The following C1orf21 variants were observed in gnomAD, a reference collection of about 807,000 sequenced individuals.
C1orf21 encodes uncharacterized protein C1orf21.
A neutral mutation model predicts 18.7 loss-of-function variants in C1orf21; 3 were observed. The ratio of observed to expected loss-of-function variants is 0.16; its 90% confidence interval spans 0.07 to 0.42. C1orf21 has a LOEUF of 0.42. Ranked by LOEUF, C1orf21 falls within the 10% of genes least tolerant of loss-of-function variation. The pLI is 0.99. For synonymous variants in C1orf21, 41 were observed against 46.4 expected (o/e 0.88, Z 0.47); for missense variants, 104 against 143.6 (o/e 0.72, Z 1.41).
intron 1 of C1orf21, among the ~76,000 whole-genome samples, chr1:184,442,802 TA>T (rs1219311873): frequency 6.6e-6 from 1 of 152,136 alleles, no homozygotes; most frequent in African/African-American, 2.4e-5. Context: ...TTTATATATA[TA>T]AAAAATTCTA....
chr1:184,449,306 T>C (rs979247833), intron 1 of C1orf21, among the ~76,000 whole-genome samples: 2 of 151,818 alleles, frequency 1.3e-5, no homozygotes, highest in Non-Finnish European at 2.9e-5. Context: ...GATGTTTGGC[T>C]TTTTGTCCTT....
At chr1:184,424,995 T>TA (rs1305744417) in intron 1 of C1orf21, among the ~76,000 whole-genome samples, 3 of 152,204 alleles carry the variant, frequency 2.0e-5, no homozygotes, top group Non-Finnish European at 4.4e-5. Context: ...ATGAACATCT[T>TA]AAAAAACTTA....
chr1:184,601,510 A>G (rs925538515), intron 5 of C1orf21, among the ~76,000 whole-genome samples: 1 of 152,232 alleles, frequency 6.6e-6, no homozygotes, highest in Non-Finnish European at 1.5e-5. Context: ...AGATTGTCAC[A>G]GTGCAGAGCT....
At chr1:184,594,708 C>T (rs997727449) in intron 4 of C1orf21, among the ~76,000 whole-genome samples, 5 of 152,100 alleles carry the variant, frequency 3.3e-5, no homozygotes, top group African/African-American at 1.2e-4. Flanking sequence ...GGTCAGAAGT[C>T]CCCTCCTGCA....
chr1:184,561,357 T>C (rs10911610), intron 3 of C1orf21, among the ~76,000 whole-genome samples: 2 of 152,034 alleles, frequency 1.3e-5, no homozygotes, highest in South Asian at 4.1e-4. Flanking sequence ...AGCAGGGATA[T>C]AGGTATAATC....
chr1:184,441,942 G>A (rs1056673431), intron 1 of C1orf21, among the ~76,000 whole-genome samples: 6 of 152,194 alleles, frequency 3.9e-5, no homozygotes, highest in Non-Finnish European at 4.4e-5. Flanking sequence ...ATTAGTGAAT[G>A]TCACAGCAAA....
rs1244313107 is a variant in C1orf21 at position 184,574,486 on chromosome 1, G to A, written c.190-16253G>A. Among the ~76,000 whole-genome samples the A allele has an allele frequency of 2.0e-5, 3 of 152,160 alleles. No homozygotes were observed. The East Asian group carries it at 5.8e-4, about 29-fold the overall frequency. ...CCTAAAGGATTACGTATTTATGTTT[G>A]CCAAGACACATTTCTGAGGATCTCA... On this transcript the variant is annotated intron_variant, in intron 3 of 5. Transcript: ENST00000235307.
intron 3 of C1orf21, among the ~76,000 whole-genome samples, chr1:184,581,714 C>A (rs1430041171): frequency 6.6e-6 from 1 of 152,110 alleles, no homozygotes; most frequent in Admixed American, 6.5e-5. Flanking sequence ...GCAATTAAAT[C>A]TGTTCTGAGC....
chr1:184,474,084 G>GC (rs1338544522), intron 1 of C1orf21, among the ~76,000 whole-genome samples: 1 of 152,146 alleles, frequency 6.6e-6, no homozygotes, highest in African/African-American at 2.4e-5. Flanking sequence ...GAGATCTTTT[G>GC]CCCCTCAAAT....
At chr1:184,527,278 AG>A (rs1318207895) in intron 3 of C1orf21, among the ~76,000 whole-genome samples, 3 of 152,238 alleles carry the variant, frequency 2.0e-5, no homozygotes, top group Admixed American at 2.0e-4. Flanking sequence ...AGCTATGCTT[AG>A]AACAAGGAAT....
intron 1 of C1orf21, among the ~76,000 whole-genome samples, chr1:184,470,645 A>T (rs971606300): frequency 6.6e-6 from 1 of 152,188 alleles, no homozygotes; most frequent in Non-Finnish European, 1.5e-5. Context: ...TTGGGAGGCC[A>T]AGATGGGAAG....
chr1:184,458,886 C>T lies in C1orf21; in HGVS notation c.-124-18500C>T, dbSNP rs79852607. On this transcript the variant is annotated intron_variant, in intron 1 of 5. Coordinates refer to ENST00000235307, the MANE Select transcript of C1orf21 (RefSeq NM_030806.4). ...ATGATTTTGTGGCACATTTAAATGACTAGAAATTAGGGTAGTGTTTATACC... is the reference window on the plus strand; with the variant it reads ...ATGATTTTGTGGCACATTTAAATGATTAGAAATTAGGGTAGTGTTTATACC... Among the ~76,000 whole-genome samples the T allele has an allele frequency of 8.6e-4, 131 of 152,264 alleles. No homozygotes were observed. The East Asian group carries it at 0.013, about 15-fold the overall frequency.
At position 184,473,242 on chromosome 1, in the gene C1orf21, G is replaced by A. The variant is rs181248264; in HGVS notation, c.-124-4144G>A. Among the ~76,000 whole-genome samples the A allele has an allele frequency of 2.5e-3, 377 of 152,274 alleles. 4 individuals are homozygous for A. The highest frequency in any genetic ancestry group is 8.7e-3 in the African/African-American group (360 of 41,550). On this transcript the variant is annotated intron_variant, in intron 1 of 5. Coordinates refer to ENST00000235307, the MANE Select transcript of C1orf21 (RefSeq NM_030806.4). ...CCATCAAATGTCAAAGGGATGCTTC[G>A]ATTTAATTCTCACACTGTGATCTGT... is the stretch of plus-strand genomic sequence containing the variant.
chr1:184,583,119 G>C (rs1301333775), intron 3 of C1orf21, among the ~76,000 whole-genome samples: 1 of 152,188 alleles, frequency 6.6e-6, no homozygotes, highest in Non-Finnish European at 1.5e-5. Flanking sequence ...GATTACAGGC[G>C]TGAGCCACTG....
chr1:184,464,656 G>T (rs1657360452), intron 1 of C1orf21, among the ~76,000 whole-genome samples: 1 of 152,214 alleles, frequency 6.6e-6, no homozygotes, highest in African/African-American at 2.4e-5. Flanking sequence ...CTCATAGTAA[G>T]AGTTTAGGAA....
At position 184,627,889 on chromosome 1, in the gene C1orf21, GC is replaced by G. The variant is rs1227695527; in HGVS notation, c.*8336del. The G allele has an allele frequency of 6.6e-6, 1 of 152,198 alleles. No individual in the cohort carries two copies. The highest frequency in any genetic ancestry group is 1.5e-5 in the Non-Finnish European group (1 of 68,046). The allele number at this position is 152,198 out of a possible 1,614,324, so 9.4% of individuals were successfully genotyped here. Reference sequence around the variant, plus strand: ...CCAAGTTTACCTCTCCCCATTTTCTGCCCTGGCCCACTTCCCACTCACCTCC... The same window carrying G: ...CCAAGTTTACCTCTCCCCATTTTCTGCCTGGCCCACTTCCCACTCACCTCC... On this transcript the variant is annotated 3_prime_UTR_variant, in exon 6 of 6. Coordinates refer to ENST00000235307, the MANE Select transcript of C1orf21 (RefSeq NM_030806.4).
At chr1:184,442,879 C>T (rs1325429147) in intron 1 of C1orf21, among the ~76,000 whole-genome samples, 1 of 152,084 alleles carries the variant, frequency 6.6e-6, no homozygotes, top group Non-Finnish European at 1.5e-5. Context: ...GTTCAGTGTT[C>T]TCTGTGATTG....
intron 2 of C1orf21, among the ~76,000 whole-genome samples, chr1:184,502,219 A>AG (rs1657986564): frequency 1.3e-5 from 2 of 152,210 alleles, no homozygotes; most frequent in South Asian, 4.1e-4. Flanking sequence ...TCCAAGACCA[A>AG]GGTGCCTGCA....
chr1:184,420,921 ATCT>A (rs1375210439), intron 1 of C1orf21, among the ~76,000 whole-genome samples: 1 of 151,988 alleles, frequency 6.6e-6, no homozygotes, highest in East Asian at 1.9e-4. Flanking sequence ...GATCATCTTG[ATCT>A]TCTTGCTTCC....
Sources: allele counts gnomAD v4.1 joint callset (sites outside exome capture counted in the v4.1 genomes callset), GRCh38; gene constraint gnomAD v4.1.1; transcripts MANE v1.5; gene names NCBI Gene and HGNC (gene_info 2026-07-23, HGNC 2026-07-21).